Variants in UBXN11 observed in about 807,000 individuals in gnomAD.
The protein encoded by UBXN11 is UBX domain protein 11, also known as UBX domain-containing protein 11.
In UBXN11, 47 loss-of-function variants were observed where a neutral mutation model predicts 62.8. The observed-to-expected ratio is 0.75, with a 90% CI of 0.59 to 0.95. UBXN11 has a LOEUF of 0.95. Ranked by LOEUF, UBXN11 falls within the 40% of genes least tolerant of loss-of-function variation. The pLI is 0.00. For missense variants in UBXN11, 638 were observed against 661.7 expected, an observed-to-expected ratio of 0.96 and a Z score of 0.39; for synonymous variants, 294 against 267.0, an observed-to-expected ratio of 1.10 and a Z score of -0.99.
At chr1:26,317,754 G>A (rs1418891031) in intron 1 of UBXN11, among the ~76,000 whole-genome samples, 1 of 152,066 alleles carries the variant, frequency 6.6e-6, no homozygotes, top group African/African-American at 2.4e-5. Flanking sequence ...GTTGCCTCTG[G>A]ATTGACCTCT....
Position 26,297,489 on chromosome 1 carries a change from A to G in UBXN11, c.301-8T>C, listed in dbSNP as rs367701443. ...GGCCGCTATCTTCTGATCCTGTAGC[A>G]TAAGACACAGGGTGAGCACAGGGCC... is the stretch of plus-strand genomic sequence containing the variant. On this transcript the variant is annotated splice_region_variant and splice_polypyrimidine_tract_variant and intron_variant, in intron 5 of 14. Coordinates refer to ENST00000374222, the MANE Select transcript of UBXN11 (RefSeq NM_001389556.1). 18 of 1,552,924 alleles carry G rather than the reference A, an allele frequency of 1.2e-5. No individual in the cohort carries two copies. In the African/African-American group the frequency reaches 2.3e-4, roughly 20 times the overall value.
chr1:26,284,909 T>G (rs2073092095), intron 10 of UBXN11: 21 of 1,005,398 alleles, frequency 2.1e-5, no homozygotes, highest in Non-Finnish European at 2.5e-5. Flanking sequence ...CACCCCCGCG[T>G]CATGACTCAT....
At chr1:26,301,667 G>A (rs1389300152) in intron 3 of UBXN11, 27 bp downstream of exon 3, 1 of 1,613,216 alleles carries the variant, frequency 6.2e-7, no homozygotes, top group Admixed American at 1.7e-5. Context: ...GAGAGGCGAA[G>A]AGGGCACGAG....
At chr1:26,306,821 G>T (rs2073678666), upstream of UBXN11, 1 of 88,970 alleles carries the variant, frequency 1.1e-5, no homozygotes, top group Non-Finnish European at 2.6e-5. Context: ...TCCAGGTCCG[G>T]GGCGGGGTGG....
At chr1:26,308,940 T>TG (rs2073710473), upstream of UBXN11, among the ~76,000 whole-genome samples, 1 of 146,708 alleles carries the variant, frequency 6.8e-6, no homozygotes. Flanking sequence ...GTTTGATTTT[T>TG]TTTTTTTTTT....
chr1:26,291,315 A>C (rs1272748769), intron 8 of UBXN11, among the ~76,000 whole-genome samples: 2 of 152,212 alleles, frequency 1.3e-5, no homozygotes, highest in Non-Finnish European at 2.9e-5. Context: ...CAGGAACAGA[A>C]GCTGCTAGCG....
intron 5 of UBXN11, 105 bp downstream of exon 5, chr1:26,297,857 T>A (rs944172097): frequency 2.4e-6 from 3 of 1,261,932 alleles, no homozygotes; most frequent in Non-Finnish European, 3.3e-6. Flanking sequence ...GTCAGTGTGG[T>A]AGACGGTTCT....
intron 1 of UBXN11, among the ~76,000 whole-genome samples, chr1:26,312,732 C>A (rs1262128150): frequency 6.7e-6 from 1 of 150,190 alleles, no homozygotes; most frequent in Non-Finnish European, 1.5e-5. Flanking sequence ...AATCCCAGCA[C>A]TTTGGGAGGC....
chr1:26,284,670 C>T (rs1472606432), intron 10 of UBXN11, 188 bp from the exon 11 acceptor site: 3 of 1,360,116 alleles, frequency 2.2e-6, no homozygotes, highest in African/African-American at 3.0e-5. Flanking sequence ...AGCCCTGCTG[C>T]TCCTGTAAGC....
intron 6 of UBXN11, 133 bp downstream of exon 6, chr1:26,297,294 A>T: frequency 1.8e-6 from 2 of 1,093,490 alleles, no homozygotes; most frequent in Non-Finnish European, 2.5e-6. Flanking sequence ...CTGTGGGCTC[A>T]GCTGTCCAGA....
At chr1:26,290,044 G>A (rs547778085) in intron 8 of UBXN11, among the ~76,000 whole-genome samples, 17 of 152,326 alleles carry the variant, frequency 1.1e-4, no homozygotes, top group Non-Finnish European at 1.6e-4. Flanking sequence ...CAGGCCTGCC[G>A]GGTCCCACCT....
At chr1:26,310,211 G>A (rs985292917), upstream of UBXN11, among the ~76,000 whole-genome samples, 3 of 152,134 alleles carry the variant, frequency 2.0e-5, no homozygotes, top group African/African-American at 4.8e-5. Flanking sequence ...GACCAGCCTG[G>A]CCAACATGAC....
chr1:26,302,114 C>T (rs2073551949), intron 2 of UBXN11, among the ~76,000 whole-genome samples: 1 of 152,074 alleles, frequency 6.6e-6, no homozygotes, highest in African/African-American at 2.4e-5. Flanking sequence ...CTGGTAATTC[C>T]AGCACTTTGG....
At chr1:26,287,321 G>A (rs915639880) in intron 8 of UBXN11, among the ~76,000 whole-genome samples, 1 of 152,034 alleles carries the variant, frequency 6.6e-6, no homozygotes, top group African/African-American at 2.4e-5. Context: ...CACGTGTGGC[G>A]CATACAGCTG....
At chr1:26,304,589 C>G (rs191543431) in intron 1 of UBXN11, among the ~76,000 whole-genome samples, 1 of 152,056 alleles carries the variant, frequency 6.6e-6, no homozygotes, top group African/African-American at 2.4e-5. Flanking sequence ...CCCATCTCTA[C>G]TAAAAATACA....
chr1:26,302,717 TCC>T, intron 2 of UBXN11, 94 bp downstream of exon 2: 2 of 1,333,688 alleles, frequency 1.5e-6, no homozygotes, highest in East Asian at 4.8e-5. Flanking sequence ...TTCTTTGTAT[TCC>T]CCAAGACACT....
At chr1:26,284,887 G>A (rs910141674) in intron 10 of UBXN11, 9 of 1,009,198 alleles carry the variant, frequency 8.9e-6, no homozygotes, top group African/African-American at 6.9e-5. Flanking sequence ...GCTGTGGCAC[G>A]AATGCCTTAA....
chr1:26,286,003 G>A lies in UBXN11; in HGVS notation c.594C>T (p.Asp198=). 3 of 1,611,330 alleles carry A rather than the reference G, an allele frequency of 1.9e-6. No individual in the cohort carries two copies. Among genetic ancestry groups the A allele is most frequent in the Non-Finnish European group, 2.5e-6 (3 of 1,178,090 alleles). Residue 198 remains aspartate (D), a synonymous_variant, in exon 9 of 15, where the codon GAC becomes GAT. Coordinates refer to ENST00000374222, the MANE Select transcript of UBXN11 (RefSeq NM_001389556.1). ...DSLAPPEVDF[D]RLLASLQDLS... ...GATCCTGCAGGCTGGCCAGCAGCCT[G>A]TCAAAGTCCACCTCAGGGGGCGCCA...
At chr1:26,297,595 C>G in intron 5 of UBXN11, 114 bp from the exon 6 acceptor site, 1 of 1,245,590 alleles carries the variant, frequency 8.0e-7, no homozygotes, top group Non-Finnish European at 1.1e-6. Context: ...AAGCCCCTGC[C>G]ACCCTTTGGC....
Sources: gnomAD v4.1 joint callset for allele counts (sites outside exome capture counted in the v4.1 genomes callset) on GRCh38, gnomAD v4.1.1 for gene constraint, MANE v1.5 for transcripts, NCBI Gene and HGNC (gene_info 2026-07-23, HGNC 2026-07-21) for gene names.